The following RBM20 variants were observed in gnomAD, a reference collection of about 807,000 sequenced individuals.
The protein encoded by RBM20 is RNA-binding protein 20.
A neutral mutation model predicts 110.1 loss-of-function variants in RBM20; 51 were observed. The ratio of observed to expected loss-of-function variants is 0.46; its 90% CI spans 0.37 to 0.59. RBM20 has a LOEUF of 0.59. RBM20 is among the 20% of genes least tolerant of loss of function. The pLI, the probability that RBM20 is intolerant of heterozygous loss-of-function variation, is 0.00. For missense variants in RBM20, 1,512 were observed against 1,574.9 expected (o/e 0.96, Z 0.68); for synonymous variants, 589 against 618.2 (o/e 0.95, Z 0.70).
intron 1 of RBM20, among the ~76,000 whole-genome samples, chr10:110,708,966 G>A (rs1043991813): frequency 3.3e-5 from 5 of 152,218 alleles, no homozygotes; most frequent in African/African-American, 4.8e-5. Flanking sequence ...CCAATTTCAC[G>A]AGGCAGTGAT....
chr10:110,659,242 T>C (rs1590600023), intron 1 of RBM20, among the ~76,000 whole-genome samples: 1 of 152,174 alleles, frequency 6.6e-6, no homozygotes, highest in East Asian at 1.9e-4. Context: ...TAGACAGACA[T>C]TTATGTTCAG....
At chr10:110,752,211 C>T (rs1294543582) in intron 1 of RBM20, among the ~76,000 whole-genome samples, 8 of 152,192 alleles carry the variant, frequency 5.3e-5, no homozygotes, top group South Asian at 2.1e-4. Flanking sequence ...CCCTTCTCCC[C>T]GCTAACCCCT....
chr10:110,666,013 GA>G (rs1450992927), intron 1 of RBM20, among the ~76,000 whole-genome samples: 9 of 150,564 alleles, frequency 6.0e-5, no homozygotes, highest in African/African-American at 2.0e-4. Flanking sequence ...GAGAGAGAGA[GA>G]GAGGGGAAGG....
chr10:110,650,014 TTGAC>T (rs911549632), intron 1 of RBM20, among the ~76,000 whole-genome samples: 2 of 152,192 alleles, frequency 1.3e-5, no homozygotes, highest in Non-Finnish European at 2.9e-5. Flanking sequence ...AGCTGATAGT[TTGAC>T]TGGCTCCATG....
At chr10:110,820,287 TA>T (rs1844891578) in intron 10 of RBM20, 111 bp downstream of exon 10, 1 of 677,994 alleles carries the variant, frequency 1.5e-6, no homozygotes, top group Non-Finnish European at 2.5e-6. Flanking sequence ...ACCCCACCAT[TA>T]GTTCCATGAA....
At chr10:110,646,657 G>A (rs1158935574) in intron 1 of RBM20, among the ~76,000 whole-genome samples, 1 of 152,234 alleles carries the variant, frequency 6.6e-6, no homozygotes, top group Non-Finnish European at 1.5e-5. Context: ...AAATTCCGCT[G>A]GAACCAGATA....
At chr10:110,830,651 T>C (rs1030263207) in intron 12 of RBM20, among the ~76,000 whole-genome samples, 3 of 152,210 alleles carry the variant, frequency 2.0e-5, no homozygotes, top group Non-Finnish European at 2.9e-5. Flanking sequence ...GAGAGAATTC[T>C]TCGAGAGTCC....
At chr10:110,667,687 G>A (rs190784169) in intron 1 of RBM20, among the ~76,000 whole-genome samples, 22 of 152,282 alleles carry the variant, frequency 1.4e-4, no homozygotes, top group African/African-American at 5.1e-4. Context: ...CATCCTGGCA[G>A]TGTCGATCTT....
chr10:110,767,548 C>T (rs1384943800), intron 1 of RBM20, among the ~76,000 whole-genome samples: 69 of 149,566 alleles, frequency 4.6e-4, no homozygotes, highest in African/African-American at 1.6e-3. Flanking sequence ...GGCTGCCGGG[C>T]GGAGGGGCTC....
At chr10:110,738,617 G>T (rs1249826145) in intron 1 of RBM20, among the ~76,000 whole-genome samples, 1 of 152,172 alleles carries the variant, frequency 6.6e-6, no homozygotes, top group Non-Finnish European at 1.5e-5. Flanking sequence ...GTGGATCTGG[G>T]CTGGGGGAGA....
Position 110,835,849 on chromosome 10 carries a change from T to C in RBM20, c.3574-19T>C, listed in dbSNP as rs1057522723. ...CTACTAACATGCCCCTTCCTCCACT[T>C]CCCCTCTTCTTTCCACAGAAATATT... On this transcript the variant is annotated intron_variant, in intron 13 of 13. Transcript: ENST00000369519. The C allele has an allele frequency of 1.9e-6, 3 of 1,550,086 alleles. No individual in the cohort carries two copies. The African/African-American group carries it at 4.1e-5, about 21-fold the overall frequency.
At chr10:110,643,551 T>G (rs570820247), upstream of RBM20, among the ~76,000 whole-genome samples, 2 of 152,330 alleles carry the variant, frequency 1.3e-5, no homozygotes, top group South Asian at 4.1e-4. Flanking sequence ...CCTTTACATT[T>G]CCACGGAGAT....
intron 5 of RBM20, among the ~76,000 whole-genome samples, chr10:110,789,117 G>A (rs1039079871): frequency 2.0e-5 from 3 of 152,166 alleles, no homozygotes; most frequent in Non-Finnish European, 4.4e-5. Flanking sequence ...AGTAAAACCA[G>A]GAACAGCCAG....
At chr10:110,767,219 C>A (rs1291077306) in intron 1 of RBM20, among the ~76,000 whole-genome samples, 13 of 138,242 alleles carry the variant, frequency 9.4e-5, no homozygotes, top group Non-Finnish European at 1.3e-4. Context: ...GGGGGCTGAC[C>A]CCCCCACCTC....
chr10:110,675,330 G>A (rs904589032), intron 1 of RBM20, among the ~76,000 whole-genome samples: 1 of 152,192 alleles, frequency 6.6e-6, no homozygotes, highest in Non-Finnish European at 1.5e-5. Flanking sequence ...AGGCTCCAAA[G>A]TTAAGAAGCG....
chr10:110,666,656 A>G (rs1025574906), intron 1 of RBM20, among the ~76,000 whole-genome samples: 6 of 152,134 alleles, frequency 3.9e-5, no homozygotes, highest in Non-Finnish European at 8.8e-5. Context: ...AGAAAAAAAT[A>G]AAAAACAAAA....
Position 110,815,163 on chromosome 10 carries a change from AC to A in RBM20, c.2550+2217del, listed in dbSNP as rs374932566. Among the ~76,000 whole-genome samples the A allele has an allele frequency of 2.7e-3, 414 of 152,362 alleles. 5 individuals carry two copies. Among genetic ancestry groups the A allele is most frequent in the African/African-American group, 9.3e-3 (388 of 41,588 alleles). ...AGACAATTCATGTGCATCTCTAGGA[AC>A]AAGAATCATTTGTATTAGGATCTGA... is the stretch of plus-strand genomic sequence containing the variant. On this transcript the variant is annotated intron_variant, in intron 9 of 13. Coordinates refer to ENST00000369519, the MANE Select transcript of RBM20 (RefSeq NM_001134363.3).
At chr10:110,713,666 G>A (rs535854924) in intron 1 of RBM20, among the ~76,000 whole-genome samples, 129 of 152,326 alleles carry the variant, frequency 8.5e-4, no homozygotes, top group African/African-American at 3.1e-3. Flanking sequence ...CATTTGTACA[G>A]TGTTTTGAAA....
At chr10:110,813,757 C>T (rs1844805006) in intron 9 of RBM20, among the ~76,000 whole-genome samples, 1 of 150,458 alleles carries the variant, frequency 6.6e-6, no homozygotes, top group Non-Finnish European at 1.5e-5. Context: ...ATCACTTTAA[C>T]CCGGAAGGCG....
Sources: gnomAD v4.1 joint callset for allele counts (sites outside exome capture counted in the v4.1 genomes callset) on GRCh38, gnomAD v4.1.1 for gene constraint, MANE v1.5 for transcripts, NCBI Gene and HGNC (gene_info 2026-07-23, HGNC 2026-07-21) for gene names.